The following RBFOX3 variants were observed in gnomAD, a reference collection of about 807,000 sequenced individuals.
The protein encoded by RBFOX3 is RNA binding fox-1 homolog 3.
RBFOX3 carries 17 observed loss-of-function variants against 48.7 expected under a neutral mutation model. That is an observed-to-expected ratio of 0.35 (90% CI 0.24 to 0.52). The LOEUF is 0.52. RBFOX3 is among the 20% of genes least tolerant of loss of function. RBFOX3 has a pLI of 0.94. For synonymous variants in RBFOX3, 212 were observed against 209.5 expected (o/e 1.01, Z -0.10); for missense variants, 382 against 497.5 (o/e 0.77, Z 2.21).
rs1416718396 is a variant in RBFOX3, at chr17:79,195,124, C to T, written c.-34+40642G>A. ...TCAAGAAGAAGTGCAGGCCGGGTGC[C>T]GTGGCTGATGCCTGTAATCCCGGCA... On this transcript the variant is annotated intron_variant, in intron 4 of 14. Transcript: ENST00000693108. The surrounding 1 kb of genome is among the most constrained non-coding windows in gnomAD (Gnocchi z 5.3). 1.3e-5 allele frequency among the ~76,000 whole-genome samples: 2 copies of T among 152,062 alleles called. No homozygotes were observed. The highest frequency in any genetic ancestry group is 1.9e-4 in the East Asian group (1 of 5,168).
At chr17:79,586,912 T>C in intron 1 of RBFOX3, among the ~76,000 whole-genome samples, 1 of 152,356 alleles carries the variant, frequency 6.6e-6, no homozygotes, top group Non-Finnish European at 1.5e-5. Context: ...AATTTGCATC[T>C]GTGCAAGTCT....
In RBFOX3 at chr17:79,106,690, G is replaced by A. The variant is rs150282906; in HGVS notation, c.321C>T (p.Pro107=). The part of the protein sequence containing the change: ...QPKRLHVSNI[P]FRFRDPDLRQ... The stretch of plus-strand genomic sequence containing the variant: ...GCAAGTCGGGGTCCCTGAACCGGAA[G>A]GGGATGTTGGAGACGTGTAGCCGCT... Residue 107 remains proline, a synonymous_variant, in exon 6 of 15, where the codon CCC becomes CCT. Transcript: ENST00000693108. 1.5e-3 allele frequency: 2,292 copies of A among 1,489,880 alleles called. 31 individuals are homozygous for A. In the East Asian group the frequency reaches 0.026, roughly 17 times the overall value. 92.3% of individuals were successfully genotyped at this position (1,489,880 alleles called of 1,614,324 possible).
At chr17:79,137,102 G>A (rs1469634405) in intron 4 of RBFOX3, among the ~76,000 whole-genome samples, 1 of 152,128 alleles carries the variant, frequency 6.6e-6, no homozygotes, top group Non-Finnish European at 1.5e-5. Context: ...TTTGGGTTCT[G>A]AACCCCAGCG....
At chr17:79,623,919 C>T in the RBFOX3 span, among the ~76,000 whole-genome samples, 2 of 151,902 alleles carry the variant, frequency 1.3e-5, no homozygotes, top group Non-Finnish European at 2.9e-5. Context: ...GCTGCTGGCT[C>T]CGCAGGGTGA....
intron 6 of RBFOX3, among the ~76,000 whole-genome samples, chr17:79,105,312 G>A (rs1057078818): frequency 7.9e-5 from 12 of 152,208 alleles, no homozygotes; most frequent in Admixed American, 2.6e-4. Context: ...AGTTGATGGC[G>A]GATGGTGCCC....
intron 4 of RBFOX3, among the ~76,000 whole-genome samples, chr17:79,121,066 C>T (rs916188484): frequency 1.3e-5 from 2 of 152,118 alleles, no homozygotes; most frequent in African/African-American, 4.8e-5. Context: ...TTTATCCTCA[C>T]TCTTGGTGAG....
At chr17:79,585,635 G>A (rs1401482288) in intron 1 of RBFOX3, among the ~76,000 whole-genome samples, 1 of 152,084 alleles carries the variant, frequency 6.6e-6, no homozygotes, top group Non-Finnish European at 1.5e-5. Context: ...TCAGGAGGAG[G>A]GGCCTGCATG....
At chr17:79,224,370 C>A (rs2147534166) in intron 4 of RBFOX3, among the ~76,000 whole-genome samples, 1 of 152,360 alleles carries the variant, frequency 6.6e-6, no homozygotes, top group South Asian at 2.1e-4. Context: ...ATTGTGTGGA[C>A]TTTCCCTTCC....
At chr17:79,115,035 G>C (rs1334302941) in intron 5 of RBFOX3, among the ~76,000 whole-genome samples, 1 of 152,246 alleles carries the variant, frequency 6.6e-6, no homozygotes, top group Non-Finnish European at 1.5e-5. Flanking sequence ...AGAAATGATA[G>C]GAGGGCCTGC....
chr17:79,134,430 C>T (rs2039691514), intron 4 of RBFOX3, among the ~76,000 whole-genome samples: 1 of 152,188 alleles, frequency 6.6e-6, no homozygotes, highest in Admixed American at 6.5e-5. Flanking sequence ...TCTGTGGGTA[C>T]AGAACCCCTG....
intron 2 of RBFOX3, among the ~76,000 whole-genome samples, chr17:79,462,198 G>A (rs1335096611): frequency 3.3e-5 from 5 of 152,118 alleles, no homozygotes; most frequent in South Asian, 2.1e-4. Context: ...ACAGTGCCCC[G>A]CAAATAGTAC....
At chr17:79,209,961 C>T (rs1421764347) in intron 4 of RBFOX3, among the ~76,000 whole-genome samples, 1 of 145,062 alleles carries the variant, frequency 6.9e-6, no homozygotes, top group Non-Finnish European at 1.5e-5. Context: ...CACGCCACTG[C>T]ACTCTAGCCT....
chr17:79,451,940 G>A (rs1326212401), intron 2 of RBFOX3, among the ~76,000 whole-genome samples: 1 of 152,142 alleles, frequency 6.6e-6, no homozygotes, highest in Non-Finnish European at 1.5e-5. Context: ...CCCAGTACTG[G>A]CACCCTCATC....
intron 4 of RBFOX3, among the ~76,000 whole-genome samples, chr17:79,140,673 T>C (rs1310662784): frequency 6.6e-6 from 1 of 152,240 alleles, no homozygotes; most frequent in Non-Finnish European, 1.5e-5. Flanking sequence ...TCTCCTAGCA[T>C]GTTCTAGAAA....
At chr17:79,276,555 G>C (rs968024452) in intron 3 of RBFOX3, among the ~76,000 whole-genome samples, 8 of 152,102 alleles carry the variant, frequency 5.3e-5, no homozygotes, top group Admixed American at 3.9e-4. Flanking sequence ...TCTGGTGGTG[G>C]GCGCCTGTAA....
intron 4 of RBFOX3, chr17:79,234,800 T>A (rs1425079112): frequency 7.4e-6 from 1 of 135,796 alleles, no homozygotes; most frequent in Non-Finnish European, 1.5e-5. Context: ...TGGTGTGATC[T>A]CAGCTCATGC....
intron 2 of RBFOX3, among the ~76,000 whole-genome samples, chr17:79,437,162 T>C (rs572243046): frequency 1.3e-5 from 2 of 152,072 alleles, no homozygotes; most frequent in Non-Finnish European, 2.9e-5. Context: ...GCTGACCTCA[T>C]CGCCAGGCCT....
intron 2 of RBFOX3, among the ~76,000 whole-genome samples, chr17:79,412,077 T>C (rs11077441): frequency 6.6e-6 from 1 of 151,992 alleles, no homozygotes; most frequent in Non-Finnish European, 1.5e-5. Context: ...TGTAGACGCA[T>C]GCGTGTATAT....
At chr17:79,253,972 T>C (rs1345588934) in intron 3 of RBFOX3, among the ~76,000 whole-genome samples, 1 of 152,110 alleles carries the variant, frequency 6.6e-6, no homozygotes, top group East Asian at 1.9e-4. Flanking sequence ...CAGGTCAGGT[T>C]CCCAAACCTA....
Sources: gnomAD v4.1 joint callset for allele counts (sites outside exome capture counted in the v4.1 genomes callset) on GRCh38, gnomAD v4.1.1 for gene constraint, Gnocchi (gnomAD v3.1) non-coding constraint, MANE v1.5 for transcripts, NCBI Gene and HGNC (gene_info 2026-07-23, HGNC 2026-07-21) for gene names.